The following MAPK10 variants were observed in gnomAD, a reference collection of about 807,000 sequenced individuals.
MAPK10 encodes the protein mitogen-activated protein kinase 10.
MAPK10 carries 25 observed loss-of-function variants against 59.3 expected under a neutral mutation model. The ratio of observed to expected loss-of-function variants is 0.42; its 90% CI spans 0.31 to 0.59. The LOEUF (loss-of-function observed/expected upper bound fraction) is 0.59. MAPK10 is among the 20% of genes least tolerant of loss of function. The pLI, the probability that MAPK10 is intolerant of heterozygous loss-of-function variation, is 0.15. For synonymous variants in MAPK10, 190 were observed against 200.5 expected (o/e 0.95, Z 0.44); for missense variants, 351 against 568.9 (o/e 0.62, Z 3.90).
At chr4:86,505,101 G>T (rs1194111936) in intron 1 of MAPK10, among the ~76,000 whole-genome samples, 1 of 151,960 alleles carries the variant, frequency 6.6e-6, no homozygotes, top group Non-Finnish European at 1.5e-5. Flanking sequence ...TAATTGTTTT[G>T]GTTCAACCTT....
chr4:86,173,287 A>G (rs1395412429), intron 3 of MAPK10, among the ~76,000 whole-genome samples: 1 of 152,166 alleles, frequency 6.6e-6, no homozygotes. Context: ...AGATCAATTG[A>G]ACAGAATAGA....
chr4:86,542,147 T>C (rs1758756930), intron 1 of MAPK10, among the ~76,000 whole-genome samples: 1 of 152,142 alleles, frequency 6.6e-6, no homozygotes, highest in Non-Finnish European at 1.5e-5. Flanking sequence ...AGAAGTATTA[T>C]CCATAATGTC....
intron 1 of MAPK10, among the ~76,000 whole-genome samples, chr4:86,479,987 C>CT (rs1333962715): frequency 6.6e-6 from 1 of 151,978 alleles, no homozygotes; most frequent in Non-Finnish European, 1.5e-5. Context: ...CTCCATACCA[C>CT]CCCCAAAAAT....
chr4:86,375,521 G>A (rs1739644748), intron 1 of MAPK10, among the ~76,000 whole-genome samples: 1 of 151,964 alleles, frequency 6.6e-6, no homozygotes, highest in Non-Finnish European at 1.5e-5. Context: ...AAGAGTTCAA[G>A]ACAAGTCTGG....
rs1747957419 is a variant in MAPK10 at position 86,430,889 on chromosome 4, TTGAAATATTTGAGGCAGTTGTG to T, written c.-122+22119_-122+22140del. On this transcript the variant is annotated intron_variant, in intron 1 of 13. Coordinates refer to the MAPK10 transcript ENST00000361569. ...TACCCTGAGAACAACGGAAAAACCA[TTGAAATATTTGAGGCAGTTGTG>T]TGAAATATTCGTATGCTTTTCAAAA... Among the ~76,000 whole-genome samples, 4 of 152,316 alleles carry T rather than the reference TTGAAATATTTGAGGCAGTTGTG, an allele frequency of 2.6e-5. No individual in the cohort carries two copies. In the South Asian group the frequency reaches 8.3e-4, roughly 32 times the overall value.
chr4:86,098,612 A>G lies in MAPK10; in HGVS notation c.731-17T>C, dbSNP rs1294163748. 3 of 1,581,168 alleles carry G rather than the reference A, an allele frequency of 1.9e-6. No homozygotes were observed. The highest frequency in any genetic ancestry group is 2.6e-6 in the Non-Finnish European group (3 of 1,150,894). On this transcript the variant is annotated splice_polypyrimidine_tract_variant and intron_variant, in intron 8 of 13. Transcript: ENST00000641462. The stretch of plus-strand genomic sequence containing the variant: ...ATATATCCACTAGAACAGGAGAGAG[A>G]GGGTAGTGAAGAAAAGGGAGGAAAG...
intron 2 of MAPK10, among the ~76,000 whole-genome samples, chr4:86,353,961 T>C (rs1733046170): frequency 6.6e-6 from 1 of 152,178 alleles, no homozygotes; most frequent in African/African-American, 2.4e-5. Flanking sequence ...TAATAAGTTT[T>C]AAAGTCATTC....
Position 86,471,275 on chromosome 4 carries a change from CAAA to C in MAPK10, c.-262-116634_-262-116632del, listed in dbSNP as rs60423060. Among the ~76,000 whole-genome samples, 715 of 96,844 alleles carry C rather than the reference CAAA, an allele frequency of 7.4e-3. 1 individual carries two copies. Among genetic ancestry groups the C allele is most frequent in the East Asian group, 0.016 (52 of 3,252 alleles). The allele number at this position is 96,844 out of a possible 152,430, so 63.5% of individuals were successfully genotyped here. ...CACAGCAAGACTCTGTGCCCCCCTG[CAAA>C]AAAAAAAAAAAAAAAAAGAATTAAA... On this transcript the variant is annotated intron_variant, in intron 1 of 4. Transcript: ENST00000502302.
At chr4:86,463,512 C>T (rs954888916) in intron 1 of MAPK10, among the ~76,000 whole-genome samples, 1 of 152,170 alleles carries the variant, frequency 6.6e-6, no homozygotes, top group Admixed American at 6.5e-5. Context: ...AAATATTACT[C>T]CAATGTTATG....
intron 2 of MAPK10, among the ~76,000 whole-genome samples, chr4:86,271,295 T>C (rs1026838815): frequency 1.1e-4 from 16 of 152,018 alleles, no homozygotes; most frequent in Non-Finnish European, 1.8e-4. Flanking sequence ...TTTGAGTGCA[T>C]ATTGGCCATT....
At chr4:86,400,711 C>G (rs1044048557) in intron 1 of MAPK10, among the ~76,000 whole-genome samples, 1 of 152,098 alleles carries the variant, frequency 6.6e-6, no homozygotes, top group Non-Finnish European at 1.5e-5. Context: ...AGACGCTGCC[C>G]TCTGAAAGAA....
At chr4:86,423,585 C>T (rs1746811554) in intron 1 of MAPK10, among the ~76,000 whole-genome samples, 1 of 151,586 alleles carries the variant, frequency 6.6e-6, no homozygotes, top group Non-Finnish European at 1.5e-5. Context: ...TTTAATGTGG[C>T]CTAGGAAATC....
chr4:86,250,317 T>C (rs368962966), intron 2 of MAPK10, among the ~76,000 whole-genome samples: 1 of 152,164 alleles, frequency 6.6e-6, no homozygotes, highest in African/African-American at 2.4e-5. Flanking sequence ...GTAGTCCTTA[T>C]ACTGTATTTG....
At chr4:86,481,547 T>C (rs1037791430) in intron 1 of MAPK10, among the ~76,000 whole-genome samples, 10 of 152,138 alleles carry the variant, frequency 6.6e-5, no homozygotes, top group Non-Finnish European at 4.4e-5. Flanking sequence ...CTAAAAATAT[T>C]TGGTATTGTT....
At chr4:86,472,864 T>C (rs1442390296) in intron 1 of MAPK10, among the ~76,000 whole-genome samples, 1 of 152,226 alleles carries the variant, frequency 6.6e-6, no homozygotes, top group African/African-American at 2.4e-5. Flanking sequence ...CCTCTTCATT[T>C]ACACAGGGCG....
intron 2 of MAPK10, among the ~76,000 whole-genome samples, chr4:86,305,293 C>T (rs2095547012): frequency 6.6e-6 from 1 of 152,042 alleles, no homozygotes; most frequent in East Asian, 1.9e-4. Context: ...TAAATGCTAA[C>T]CTAGTAAAGA....
intron 1 of MAPK10, among the ~76,000 whole-genome samples, chr4:86,495,073 T>C (rs1754773806): frequency 6.6e-6 from 1 of 152,020 alleles, no homozygotes; most frequent in Admixed American, 6.6e-5. Flanking sequence ...GTCCAACAAA[T>C]CACTTCAGAC....
chr4:86,025,560 A>G (rs1254149210), intron 13 of MAPK10: 2 of 398,250 alleles, frequency 5.0e-6, no homozygotes, highest in Non-Finnish European at 8.9e-6. Context: ...AATGTGAGAA[A>G]TATCTCTTCT....
intron 3 of MAPK10, among the ~76,000 whole-genome samples, chr4:86,174,959 T>C (rs1253205784): frequency 6.6e-6 from 1 of 152,112 alleles, no homozygotes; most frequent in Non-Finnish European, 1.5e-5. Flanking sequence ...TGGGCCTCAT[T>C]ATCACAATGA....
Sources: gnomAD v4.1 joint callset for allele counts (sites outside exome capture counted in the v4.1 genomes callset) on GRCh38, gnomAD v4.1.1 for gene constraint, MANE v1.5 for transcripts, NCBI Gene and HGNC (gene_info 2026-07-23, HGNC 2026-07-21) for gene names.